ATP9A: variants seen among roughly 807,000 people sequenced by gnomAD.
ATP9A encodes the protein probable phospholipid-transporting ATPase IIA.
A neutral mutation model predicts 144.1 loss-of-function variants in ATP9A; 52 were observed. The ratio of observed to expected loss-of-function variants is 0.36; its 90% CI spans 0.29 to 0.45. ATP9A has a LOEUF of 0.45. Among genes scored for constraint, ATP9A ranks in the 20% least tolerant of loss-of-function variants. The pLI is 1.00. For missense variants in ATP9A, 947 were observed against 1,392.7 expected, an observed-to-expected ratio of 0.68 and a Z score of 5.09; for synonymous variants, 582 against 557.4, an observed-to-expected ratio of 1.04 and a Z score of -0.62.
intron 6 of ATP9A, among the ~76,000 whole-genome samples, chr20:51,695,468 A>AG (rs971162291): frequency 6.0e-5 from 9 of 149,906 alleles, no homozygotes; most frequent in Middle Eastern, 7.0e-3. Context: ...GTCTCAAGGA[A>AG]AAAAAAAAAA....
intron 1 of ATP9A, among the ~76,000 whole-genome samples, chr20:51,731,117 A>C (rs2077739148): frequency 6.6e-6 from 1 of 151,572 alleles, no homozygotes; most frequent in African/African-American, 2.4e-5. Context: ...CAGCCTGACC[A>C]AGATGGTGAA....
intron 14 of ATP9A, among the ~76,000 whole-genome samples, chr20:51,653,047 T>C (rs2077373457): frequency 6.6e-6 from 1 of 151,124 alleles, no homozygotes; most frequent in Non-Finnish European, 1.5e-5. Flanking sequence ...GAGGCAGAGC[T>C]TGCAGTGAGC....
intron 4 of ATP9A, among the ~76,000 whole-genome samples, chr20:51,705,265 T>G (rs1166601633): frequency 6.6e-6 from 1 of 152,164 alleles, no homozygotes; most frequent in Non-Finnish European, 1.5e-5. Context: ...TAAGTCACAT[T>G]AATTGCAATC....
intron 2 of ATP9A, among the ~76,000 whole-genome samples, chr20:51,726,889 C>CTTTTTTT (rs55719132): frequency 1.9e-4 from 18 of 93,992 alleles, no homozygotes; most frequent in South Asian, 4.7e-4. Context: ...TGTGTTATTT[C>CTTTTTTT]TTTTTTTTTT....
chr20:51,718,851 C>T (rs1412763867), intron 3 of ATP9A, among the ~76,000 whole-genome samples: 2 of 105,120 alleles, frequency 1.9e-5, no homozygotes, highest in African/African-American at 3.6e-5. Context: ...AAAAACAGGC[C>T]GGGTGCAGTA....
intron 17 of ATP9A, 116 bp downstream of exon 17, chr20:51,627,484 C>T (rs1568791937): frequency 1.1e-6 from 1 of 924,456 alleles, no homozygotes; most frequent in Non-Finnish European, 1.7e-6. Flanking sequence ...AACAGTGAAC[C>T]CAGTGTGCCC....
chr20:51,628,839 G>A (rs889098629), intron 16 of ATP9A, 141 bp downstream of exon 16: 6 of 682,910 alleles, frequency 8.8e-6, no homozygotes, highest in African/African-American at 3.6e-5. Context: ...TTAAATGGGT[G>A]CTGCTTTAAG....
intron 9 of ATP9A, among the ~76,000 whole-genome samples, chr20:51,686,339 A>G (rs1004641356): frequency 2.0e-5 from 3 of 150,986 alleles, no homozygotes; most frequent in Admixed American, 1.3e-4. Flanking sequence ...CGTTGTGCAC[A>G]TGTACCCTAG....
At chr20:51,761,380 G>C (rs549728288) in intron 1 of ATP9A, among the ~76,000 whole-genome samples, 35 of 152,290 alleles carry the variant, frequency 2.3e-4, no homozygotes, top group African/African-American at 6.0e-4. Context: ...TCCCCTTTGT[G>C]GGATGGAAAG....
chr20:51,756,684 A>G (rs1034782081), intron 1 of ATP9A, among the ~76,000 whole-genome samples: 5 of 152,094 alleles, frequency 3.3e-5, no homozygotes, highest in Admixed American at 2.6e-4. Context: ...TCACCTCTTT[A>G]AAGGCCCCCT....
chr20:51,610,908 C>G (rs1159584257), intron 23 of ATP9A, among the ~76,000 whole-genome samples: 4 of 152,284 alleles, frequency 2.6e-5, no homozygotes, highest in African/African-American at 7.2e-5. Context: ...TATTTACAAA[C>G]CCTCGCGGAA....
chr20:51,638,892 C>T (rs543224568), intron 15 of ATP9A, among the ~76,000 whole-genome samples: 6 of 152,166 alleles, frequency 3.9e-5, no homozygotes, highest in East Asian at 1.9e-4. Context: ...AATTTTTTAA[C>T]GTGCCCGGCC....
intron 22 of ATP9A, among the ~76,000 whole-genome samples, 194 bp from the exon 23 acceptor site, chr20:51,614,026 A>C (rs2077194100): frequency 6.6e-6 from 1 of 152,260 alleles, no homozygotes; most frequent in Non-Finnish European, 1.5e-5. Flanking sequence ...ATTTAAATAA[A>C]AACCATTCCG....
At chr20:51,684,184 T>C (rs1263802995) in intron 9 of ATP9A, among the ~76,000 whole-genome samples, 1 of 151,924 alleles carries the variant, frequency 6.6e-6, no homozygotes, top group Non-Finnish European at 1.5e-5. Flanking sequence ...GACCCTGTCT[T>C]GAAATGAAAA....
chr20:51,749,315 T>G (rs2077821852), intron 1 of ATP9A, among the ~76,000 whole-genome samples: 1 of 151,960 alleles, frequency 6.6e-6, no homozygotes. Context: ...CAGGCTGGAG[T>G]GCAGTGGTGC....
Position 51,600,322 on chromosome 20 carries a change from T to G in ATP9A, c.*889A>C, listed in dbSNP as rs968948183. 6.6e-6 allele frequency: 1 copy of G among 152,192 alleles called. No individual in the cohort carries two copies. The highest frequency in any genetic ancestry group is 2.4e-5 in the African/African-American group (1 of 41,452). The allele number at this position is 152,192 out of a possible 1,614,324, so 9.4% of individuals were successfully genotyped here. ...CTGCCATGTTGCCTAAAGAATTAGT[T>G]GAGTCTCTTATCACACTGTCGACAC... On this transcript the variant is annotated 3_prime_UTR_variant, in exon 28 of 28. Transcript: ENST00000338821.
At chr20:51,605,919 A>AAG (rs1483633934) in intron 26 of ATP9A, among the ~76,000 whole-genome samples, 3 of 150,130 alleles carry the variant, frequency 2.0e-5, no homozygotes, top group Non-Finnish European at 4.4e-5. Flanking sequence ...TTACAAAAAA[A>AAG]AAAAAAAGAA....
chr20:51,765,644 A>G (rs1302527878), intron 1 of ATP9A, among the ~76,000 whole-genome samples: 3 of 149,752 alleles, frequency 2.0e-5, no homozygotes, highest in Non-Finnish European at 4.5e-5. Context: ...CTACATCTCA[A>G]AAAAAAAAAA....
chr20:51,721,486 G>A (rs1179858487), intron 3 of ATP9A, among the ~76,000 whole-genome samples: 1 of 151,996 alleles, frequency 6.6e-6, no homozygotes, highest in Non-Finnish European at 1.5e-5. Flanking sequence ...CAAGAGCATC[G>A]TTCTTCACAG....
Sources: allele counts gnomAD v4.1 joint callset (sites outside exome capture counted in the v4.1 genomes callset), GRCh38; gene constraint gnomAD v4.1.1; transcripts MANE v1.5; gene names NCBI Gene and HGNC (gene_info 2026-07-23, HGNC 2026-07-21).